The following LRP1B variants were observed in gnomAD, a reference collection of about 807,000 sequenced individuals.
LRP1B encodes LDL receptor related protein 1B, also known as low-density lipoprotein receptor-related protein 1B.
Under a neutral mutation model 556.6 loss-of-function variants are expected in LRP1B, and 217 were observed. That is an observed-to-expected ratio of 0.39 (90% CI 0.35 to 0.44). The LOEUF (loss-of-function observed/expected upper bound fraction) is 0.44. Ranked by LOEUF, LRP1B falls within the 20% of genes least tolerant of loss-of-function variation. The pLI is 1.00. For missense variants in LRP1B, 5,053 were observed against 5,620.8 expected (o/e 0.90, Z 3.23); for synonymous variants, 2,047 against 1,865.8 (o/e 1.10, Z -2.50).
At chr2:140,709,795 A>T (rs2105447368) in intron 37 of LRP1B, among the ~76,000 whole-genome samples, 1 of 152,210 alleles carries the variant, frequency 6.6e-6, no homozygotes. Context: ...TTTGACACTT[A>T]AATGTCTATA....
At position 140,923,142 on chromosome 2, in the gene LRP1B, G is replaced by T. The variant is rs751861711; in HGVS notation, c.3142C>A (p.His1048Asn). 2 of 1,611,088 alleles carry T rather than the reference G, an allele frequency of 1.2e-6. No individual in the cohort carries two copies. The highest frequency in any genetic ancestry group is 1.1e-5 in the South Asian group (1 of 90,778). The change falls in exon 21 of 91, where the codon CAT becomes AAT. Residue 1048 changes from histidine to asparagine, a missense_variant. This residue lies in a region of LRP1B where 3,619 missense variants were observed against 3,931.9 expected (regional missense o/e 0.92). Coordinates refer to ENST00000389484, the MANE Select transcript of LRP1B (RefSeq NM_018557.3). ...TTTCCGTTACAACCAGCAGGAGAATGAATCTCTTAATTTGAAATGAGGAAG... is the reference window on the plus strand; with the variant it reads ...TTTCCGTTACAACCAGCAGGAGAATTAATCTCTTAATTTGAAATGAGGAAG... ...AQINCTKEEI[H>N]SPAGCNGNEF...
intron 2 of LRP1B, among the ~76,000 whole-genome samples, chr2:141,719,370 T>C (rs1692734618): frequency 6.6e-6 from 1 of 152,118 alleles, no homozygotes; most frequent in Non-Finnish European, 1.5e-5. Context: ...CAAGACAGAA[T>C]TGCAATGTAA....
rs560712600 is a variant in LRP1B at position 141,687,262 on chromosome 2, A to T, written c.205+123017T>A. 5.3e-5 allele frequency among the ~76,000 whole-genome samples: 8 copies of T among 152,074 alleles called. No individual in the cohort carries two copies. In the South Asian group the frequency reaches 1.7e-3, roughly 32 times the overall value. The stretch of plus-strand genomic sequence containing the variant: ...CAGTTTGGACAATACAGTTCACCAA[A>T]TTGAAAACAACCTAGATAACATTAA... On this transcript the variant is annotated intron_variant, in intron 2 of 90. Coordinates refer to ENST00000389484, the MANE Select transcript of LRP1B (RefSeq NM_018557.3).
At chr2:141,372,114 G>T (rs1285974464) in intron 3 of LRP1B, among the ~76,000 whole-genome samples, 1 of 152,042 alleles carries the variant, frequency 6.6e-6, no homozygotes, top group Non-Finnish European at 1.5e-5. Context: ...CATCTATTCA[G>T]ATGATCATAT....
chr2:140,858,927 T>C (rs962169143), intron 27 of LRP1B, among the ~76,000 whole-genome samples: 6 of 152,232 alleles, frequency 3.9e-5, no homozygotes, highest in African/African-American at 1.2e-4. Context: ...TTCCTTTTTA[T>C]GGCTGCATAG....
At chr2:140,314,822 A>T in intron 83 of LRP1B, 113 bp downstream of exon 83, 1 of 687,420 alleles carries the variant, frequency 1.5e-6, no homozygotes, top group Non-Finnish European at 2.3e-6. Flanking sequence ...ATATTGTGTT[A>T]GTCTATTGTT....
intron 60 of LRP1B, among the ~76,000 whole-genome samples, chr2:140,463,210 T>C (rs1209899188): frequency 6.6e-6 from 1 of 151,852 alleles, no homozygotes; most frequent in Non-Finnish European, 1.5e-5. Context: ...TTCTAGTTGA[T>C]GAAGAGTGAC....
At chr2:140,296,147 T>C (rs1683593859) in intron 84 of LRP1B, among the ~76,000 whole-genome samples, 1 of 152,126 alleles carries the variant, frequency 6.6e-6, no homozygotes, top group South Asian at 2.1e-4. Context: ...CAGTTTTGAG[T>C]GCCAACATGA....
At chr2:140,325,578 C>T (rs1412753354) in intron 80 of LRP1B, among the ~76,000 whole-genome samples, 184 bp downstream of exon 80, 2 of 151,992 alleles carry the variant, frequency 1.3e-5, no homozygotes, top group African/African-American at 4.8e-5. Flanking sequence ...AAACTTCTGC[C>T]CTGGCCTCTA....
chr2:140,639,622 G>A (rs1684202085), intron 41 of LRP1B, among the ~76,000 whole-genome samples: 2 of 152,076 alleles, frequency 1.3e-5, no homozygotes, highest in Admixed American at 6.6e-5. Flanking sequence ...GGTCTAAAAG[G>A]TTTCCCTTTT....
At chr2:141,465,832 C>T (rs557857195) in intron 3 of LRP1B, among the ~76,000 whole-genome samples, 1 of 152,022 alleles carries the variant, frequency 6.6e-6, no homozygotes, top group Non-Finnish European at 1.5e-5. Flanking sequence ...AGGTGTGAGC[C>T]ACTGTGCCTG....
chr2:141,483,082 T>C (rs1682983614), intron 2 of LRP1B, among the ~76,000 whole-genome samples: 2 of 151,718 alleles, frequency 1.3e-5, no homozygotes, highest in South Asian at 4.2e-4. Flanking sequence ...CATTTAGCAT[T>C]AGGTGTATCT....
intron 75 of LRP1B, 35 bp from the exon 76 acceptor site, chr2:140,353,107 C>T (rs368673398): frequency 6.2e-7 from 1 of 1,608,242 alleles, no homozygotes; most frequent in Non-Finnish European, 8.5e-7. Flanking sequence ...CATCATCATA[C>T]CCTCAATTCA....
At position 140,378,099 on chromosome 2, in the gene LRP1B, G is replaced by A. The variant is rs117513244; in HGVS notation, c.10638+81C>T. ...AAAGTATTTCTGAGCTGTCCTTGCCGCACTTATTGGACTGAATAATAATAA... is the reference window on the plus strand; with the variant it reads ...AAAGTATTTCTGAGCTGTCCTTGCCACACTTATTGGACTGAATAATAATAA... On this transcript the variant is annotated intron_variant, in intron 68 of 90. Transcript: ENST00000389484. 1.2e-3 allele frequency: 1,112 copies of A among 895,874 alleles called. 16 individuals carry two copies. The East Asian group carries it at 0.022, about 18-fold the overall frequency. The allele number at this position is 895,874 out of a possible 1,614,324, so 55.5% of individuals were successfully genotyped here. A position where few individuals can be genotyped will look rare whatever the true frequency, so the allele number is the denominator to read the frequency against.
At chr2:141,733,010 C>T (rs923066477) in intron 2 of LRP1B, among the ~76,000 whole-genome samples, 2 of 152,012 alleles carry the variant, frequency 1.3e-5, no homozygotes, top group African/African-American at 4.8e-5. Context: ...TATTCTAGTT[C>T]CAATGGCAAA....
intron 7 of LRP1B, among the ~76,000 whole-genome samples, chr2:141,187,279 T>C (rs1037518998): frequency 6.6e-6 from 1 of 152,100 alleles, no homozygotes; most frequent in Non-Finnish European, 1.5e-5. Context: ...GTGCAAGCTG[T>C]TCTTGTCAAA....
intron 35 of LRP1B, among the ~76,000 whole-genome samples, chr2:140,733,040 C>T (rs1255025215): frequency 6.6e-6 from 1 of 152,072 alleles, no homozygotes; most frequent in Non-Finnish European, 1.5e-5. Context: ...TCATTTCCTC[C>T]TGTTATATTA....
At chr2:141,911,380 T>C (rs867139715) in intron 1 of LRP1B, among the ~76,000 whole-genome samples, 9 of 152,320 alleles carry the variant, frequency 5.9e-5, no homozygotes, top group South Asian at 2.1e-4. Context: ...AGTAAAAGAC[T>C]CTTTAGCACT....
At chr2:141,874,084 A>ATTTTTTTTTTTT (rs200281267) in intron 1 of LRP1B, among the ~76,000 whole-genome samples, 1 of 103,122 alleles carries the variant, frequency 9.7e-6, no homozygotes, top group Non-Finnish European at 1.8e-5. Context: ...TGAACTAACA[A>ATTTTTTTTTTTT]TTTTTTTTTT....
Sources: allele counts gnomAD v4.1 joint callset (sites outside exome capture counted in the v4.1 genomes callset), GRCh38; gene constraint gnomAD v4.1.1; regional missense constraint gnomAD v4.1.1; transcripts MANE v1.5; gene names NCBI Gene and HGNC (gene_info 2026-07-23, HGNC 2026-07-21).